The following CHODL variants were observed in gnomAD, a reference collection of about 807,000 sequenced individuals.
CHODL encodes the protein chondrolectin.
A neutral mutation model predicts 34.5 loss-of-function variants in CHODL; 29 were observed. The ratio of observed to expected loss-of-function variants is 0.84; its 90% CI spans 0.63 to 1.15. The LOEUF (loss-of-function observed/expected upper bound fraction) is 1.15. Among genes scored for constraint, CHODL ranks in the 50% most tolerant of loss-of-function variants. The pLI is 0.00. For synonymous variants in CHODL, 125 were observed against 116.1 expected, an observed-to-expected ratio of 1.08 and a Z score of -0.49; for missense variants, 332 against 332.5, an observed-to-expected ratio of 1.00 and a Z score of 0.01.
chr21:18,213,563 T>C (rs2073794125), intron 2 of CHODL, among the ~76,000 whole-genome samples: 2 of 152,004 alleles, frequency 1.3e-5, no homozygotes, highest in African/African-American at 4.8e-5. Context: ...AATGGAAAGA[T>C]AGAAGAAAAG....
At chr21:18,134,869 A>G (rs2072701413) in intron 2 of CHODL, among the ~76,000 whole-genome samples, 1 of 152,220 alleles carries the variant, frequency 6.6e-6, no homozygotes, top group African/African-American at 2.4e-5. Context: ...GTTACTAGAG[A>G]GAGCTATGTT....
At chr21:18,170,333 A>C (rs2073211943) in intron 2 of CHODL, among the ~76,000 whole-genome samples, 1 of 152,052 alleles carries the variant, frequency 6.6e-6, no homozygotes. Context: ...TGTGGACAGA[A>C]TATAGTTAGA....
intron 1 of CHODL, among the ~76,000 whole-genome samples, chr21:17,963,853 C>T (rs2063551801): frequency 6.6e-6 from 1 of 151,976 alleles, no homozygotes; most frequent in South Asian, 2.1e-4. Flanking sequence ...CCATTTATAA[C>T]CCTTTACATT....
At chr21:18,246,197 A>G (rs1303202536) in intron 1 of CHODL, among the ~76,000 whole-genome samples, 1 of 152,234 alleles carries the variant, frequency 6.6e-6, no homozygotes, top group Non-Finnish European at 1.5e-5. Context: ...AAGGCTGATC[A>G]TAGCTACACT....
intron 2 of CHODL, among the ~76,000 whole-genome samples, chr21:18,218,790 A>C (rs2073855445): frequency 6.6e-6 from 1 of 152,192 alleles, no homozygotes; most frequent in Non-Finnish European, 1.5e-5. Flanking sequence ...AAATGCCACC[A>C]GTCTCTTTGC....
chr21:18,043,276 C>T (rs1052993858), intron 2 of CHODL, among the ~76,000 whole-genome samples: 5 of 152,086 alleles, frequency 3.3e-5, no homozygotes, highest in Admixed American at 3.3e-4. Context: ...TGGTTTAATG[C>T]TCTGCTGTTG....
At chr21:18,090,153 T>TG (rs1490124913) in intron 2 of CHODL, among the ~76,000 whole-genome samples, 1 of 152,238 alleles carries the variant, frequency 6.6e-6, no homozygotes, top group Non-Finnish European at 1.5e-5. Flanking sequence ...GAGCATAGAA[T>TG]GGCTAGAAGC....
intron 2 of CHODL, among the ~76,000 whole-genome samples, chr21:18,036,825 T>C (rs2064316774): frequency 6.6e-6 from 1 of 151,990 alleles, no homozygotes; most frequent in African/African-American, 2.4e-5. Context: ...AACTCTAATA[T>C]TAGCCAGGAA....
At chr21:18,096,630 A>C (rs1039269545) in intron 2 of CHODL, among the ~76,000 whole-genome samples, 4 of 152,176 alleles carry the variant, frequency 2.6e-5, no homozygotes, top group African/African-American at 9.6e-5. Flanking sequence ...AATTCTAGTC[A>C]GACCGGTTGT....
chr21:18,245,942 T>C, intron 1 of CHODL: 1 of 1,535,534 alleles, frequency 6.5e-7, no homozygotes, highest in Non-Finnish European at 8.7e-7. Flanking sequence ...CGAGGTATAC[T>C]TGGTAATGAC....
intron 1 of CHODL, among the ~76,000 whole-genome samples, chr21:17,934,155 C>T (rs940331037): frequency 6.6e-6 from 1 of 150,592 alleles, no homozygotes; most frequent in African/African-American, 2.5e-5. Context: ...GTAATGGGTA[C>T]ATCAGAAGCC....
intron 2 of CHODL, among the ~76,000 whole-genome samples, chr21:18,058,658 C>A (rs1181769282): frequency 6.7e-6 from 1 of 150,144 alleles, no homozygotes; most frequent in Admixed American, 6.6e-5. Flanking sequence ...TGTGAAATAT[C>A]TCTAGCTAAG....
intron 2 of CHODL, among the ~76,000 whole-genome samples, chr21:18,120,164 CTGA>C (rs1450424938): frequency 6.6e-6 from 1 of 152,062 alleles, no homozygotes; most frequent in Non-Finnish European, 1.5e-5. Context: ...TCACATTGTG[CTGA>C]TGATATTATT....
intron 1 of CHODL, among the ~76,000 whole-genome samples, chr21:17,987,842 A>G (rs1387405377): frequency 6.6e-6 from 1 of 152,160 alleles, no homozygotes; most frequent in Non-Finnish European, 1.5e-5. Context: ...TGCTATGTCT[A>G]TTATGTATTT....
chr21:18,204,982 T>G (rs981137927), intron 2 of CHODL, among the ~76,000 whole-genome samples: 11 of 152,186 alleles, frequency 7.2e-5, no homozygotes, highest in Admixed American at 6.5e-4. Flanking sequence ...ATCCTGGCTA[T>G]AAGTCCATTG....
At chr21:18,145,865 A>G (rs1021450933) in intron 2 of CHODL, among the ~76,000 whole-genome samples, 2 of 152,246 alleles carry the variant, frequency 1.3e-5, no homozygotes, top group Non-Finnish European at 2.9e-5. Context: ...CATGTGGAAC[A>G]ACTTTCTCAT....
intron 2 of CHODL, among the ~76,000 whole-genome samples, chr21:18,142,307 C>A (rs1282693264): frequency 6.6e-6 from 1 of 152,074 alleles, no homozygotes; most frequent in Non-Finnish European, 1.5e-5. Flanking sequence ...TAGGCTTCAT[C>A]AGAACAAAAT....
chr21:18,110,957 T>C (rs73894752), intron 2 of CHODL, among the ~76,000 whole-genome samples: 7,503 of 152,254 alleles, frequency 0.049, 342 homozygotes, highest in African/African-American at 0.12. Flanking sequence ...AGGGATCTCT[T>C]GTCTTGCCCT....
chr21:17,986,578 G>A lies in CHODL; in HGVS notation c.-144-41294G>A, dbSNP rs373997598. On this transcript the variant is annotated intron_variant, in intron 1 of 6. Transcript: ENST00000400127. Reference sequence around the variant, plus strand: ...CCAGTCTGTCATGGACGGACATTTGGGTTGGTTCCAAGTCTTTGCTATTGT... The same window carrying A: ...CCAGTCTGTCATGGACGGACATTTGAGTTGGTTCCAAGTCTTTGCTATTGT... 3.9e-5 allele frequency among the ~76,000 whole-genome samples: 6 copies of A among 152,302 alleles called. 1 individual carries two copies. Among genetic ancestry groups the A allele is most frequent in the Admixed American group, 1.3e-4 (2 of 15,298 alleles).
Sources: allele counts gnomAD v4.1 joint callset (sites outside exome capture counted in the v4.1 genomes callset), GRCh38; gene constraint gnomAD v4.1.1; transcripts MANE v1.5; gene names NCBI Gene and HGNC (gene_info 2026-07-23, HGNC 2026-07-21).